Variants in HECW2 observed in about 807,000 individuals in gnomAD.
HECW2 encodes E3 ubiquitin-protein ligase HECW2.
Under a neutral mutation model 175.2 loss-of-function variants are expected in HECW2, and 61 were observed. The observed-to-expected ratio is 0.35, with a 90% confidence interval of 0.28 to 0.43. The LOEUF (loss-of-function observed/expected upper bound fraction) is 0.43, where lower values mean the gene tolerates loss of function less well. HECW2 is among the 20% of genes least tolerant of loss of function. The pLI, the probability that HECW2 is intolerant of heterozygous loss-of-function variation, is 1.00. For missense variants in HECW2, 1,524 were observed against 2,000.5 expected (o/e 0.76, Z 4.54); for synonymous variants, 671 against 731.0 (o/e 0.92, Z 1.32).
At chr2:196,209,263 C>A (rs72921173) in intron 28 of HECW2, among the ~76,000 whole-genome samples, 7,639 of 152,220 alleles carry the variant, frequency 0.05, 221 homozygotes, top group Admixed American at 0.067. Context: ...TTATCTCATT[C>A]CATTAAAGTC....
chr2:196,497,767 C>G (rs150490099), intron 1 of HECW2, among the ~76,000 whole-genome samples: 1 of 152,270 alleles, frequency 6.6e-6, no homozygotes, highest in Non-Finnish European at 1.5e-5. Flanking sequence ...AAAACCTAGC[C>G]ATAGAGAAGT....
At chr2:196,493,249 G>C (rs1178134356) in intron 1 of HECW2, 1 of 152,124 alleles carries the variant, frequency 6.6e-6, no homozygotes, top group East Asian at 1.9e-4. Context: ...ATCACCTGTA[G>C]TCCTAGCTAT....
chr2:196,520,871 AC>A (rs1688341799), intron 1 of HECW2, among the ~76,000 whole-genome samples: 1 of 152,220 alleles, frequency 6.6e-6, no homozygotes, highest in Non-Finnish European at 1.5e-5. Context: ...AGAATAACTC[AC>A]CACGTATAAG....
At chr2:196,416,755 A>G (rs550867297) in intron 2 of HECW2, among the ~76,000 whole-genome samples, 1 of 152,198 alleles carries the variant, frequency 6.6e-6, no homozygotes, top group African/African-American at 2.4e-5. Flanking sequence ...TTAGTTTTTG[A>G]TGACAAGGGC....
At chr2:196,304,466 T>C (rs2124384) in intron 13 of HECW2, among the ~76,000 whole-genome samples, 32,024 of 152,180 alleles carry the variant, frequency 0.21, 3,660 homozygotes, top group Middle Eastern at 0.28. Flanking sequence ...ACCTGCATTA[T>C]CTTTTTTATT....
chr2:196,537,997 G>A (rs746140238), intron 1 of HECW2, among the ~76,000 whole-genome samples: 20 of 152,156 alleles, frequency 1.3e-4, no homozygotes, highest in East Asian at 3.9e-4. Flanking sequence ...CTGTGGACTC[G>A]CCCTGAATTC....
chr2:196,217,102 C>T lies in HECW2; in HGVS notation c.4409-9G>A, dbSNP rs1170719943. 3.1e-6 allele frequency: 5 copies of T among 1,595,416 alleles called. No individual in the cohort carries two copies. The South Asian group carries it at 5.6e-5, about 18-fold the overall frequency. Reference sequence around the variant, plus strand: ...ATGATTGTCATGGTATCCTATCAAACCAATCATAAAAGCCCATGTTACTTT... The same window carrying T: ...ATGATTGTCATGGTATCCTATCAAATCAATCATAAAAGCCCATGTTACTTT... On this transcript the variant is annotated splice_polypyrimidine_tract_variant and intron_variant, in intron 26 of 28. Coordinates refer to ENST00000644978, the MANE Select transcript of HECW2 (RefSeq NM_001348768.2).
chr2:196,260,054 C>T (rs1181173185), intron 17 of HECW2: 1 of 152,168 alleles, frequency 6.6e-6, no homozygotes, highest in Admixed American at 6.6e-5. Context: ...AGATATCAGG[C>T]CCTGGTCTGC....
At chr2:196,234,279 G>GT (rs369225517) in intron 21 of HECW2, among the ~76,000 whole-genome samples, 2,974 of 142,072 alleles carry the variant, frequency 0.021, 15 homozygotes, top group Middle Eastern at 0.044. Flanking sequence ...GTCTAATCCA[G>GT]TTTTTTTTTT....
At chr2:196,310,205 C>T (rs1429359966) in intron 10 of HECW2, among the ~76,000 whole-genome samples, 2 of 152,170 alleles carry the variant, frequency 1.3e-5, no homozygotes, top group Non-Finnish European at 2.9e-5. Context: ...AAAGACCTTT[C>T]AATGTGCAAT....
intron 1 of HECW2, among the ~76,000 whole-genome samples, chr2:196,575,283 G>A (rs1358755656): frequency 1.3e-5 from 2 of 152,042 alleles, no homozygotes; most frequent in African/African-American, 4.8e-5. Flanking sequence ...CAAGAATTTG[G>A]AGAAAATGGA....
chr2:196,325,127 C>G lies in HECW2; in HGVS notation c.594G>C (p.Lys198Asn). The G allele has an allele frequency of 1.2e-6, 2 of 1,602,546 alleles. No individual in the cohort carries two copies. The highest frequency in any genetic ancestry group is 1.7e-6 in the Non-Finnish European group (2 of 1,175,640). ...TLSDLRAVGL[K>N]KGMFFNPDPY... is the part of the protein sequence containing the mutation. ...GGTCAGGATTGAAGAACATCCCTTT[C>G]TTTAGCCCAACTGCCCTAAGATCTT... The change falls in exon 6 of 29, where the codon AAG (lysine) becomes AAC (asparagine). Residue 198 changes from lysine (K) to asparagine (N), a missense_variant. Lys to Asn is a moderately conservative substitution (Grantham distance 94, BLOSUM62 0). This residue lies in a region of HECW2 where 54 missense variants were observed against 46.8 expected (regional missense o/e 1.15). Transcript: ENST00000644978.
At chr2:196,263,281 C>T (rs535806945) in intron 17 of HECW2, 1 of 152,264 alleles carries the variant, frequency 6.6e-6, no homozygotes, top group South Asian at 2.1e-4. Flanking sequence ...ACGGAATCAC[C>T]CCAGAAGATC....
intron 1 of HECW2, among the ~76,000 whole-genome samples, chr2:196,502,652 A>ATT (rs1215180882): frequency 6.6e-6 from 1 of 152,136 alleles, no homozygotes; most frequent in African/African-American, 2.4e-5. Context: ...CTCAGATCCC[A>ATT]TGACTGTTCC....
At chr2:196,207,349 T>C (rs928090709) in intron 28 of HECW2, among the ~76,000 whole-genome samples, 1 of 152,218 alleles carries the variant, frequency 6.6e-6, no homozygotes, top group African/African-American at 2.4e-5. Context: ...CAGTTATAGT[T>C]TTGTTAGCCT....
chr2:196,512,604 G>A (rs578039951), intron 1 of HECW2, among the ~76,000 whole-genome samples: 1 of 152,102 alleles, frequency 6.6e-6, no homozygotes, highest in East Asian at 1.9e-4. Flanking sequence ...TGCTCTAGCT[G>A]GTCTTGAACT....
At position 196,215,940 on chromosome 2, in the gene HECW2, A is replaced by C; in HGVS notation, c.4532T>G (p.Phe1511Cys). Residue 1511 changes from phenylalanine to cysteine, a missense_variant, in exon 28 of 29, where the codon TTT becomes TGT. Around this residue, in one of 11 missense-constraint regions of HECW2, gnomAD observed 134 missense variants for 287.8 expected, o/e 0.47. Transcript: ENST00000644978. ...GCCGTTACTCCCTCGGAGTGAAGCA[A>C]ATCCTTCATAGGGAATGCTGGATGT... ...TGTSSIPYEG[F>C]ASLRGSNGPR... 1 of 1,613,962 alleles carries C rather than the reference A, an allele frequency of 6.2e-7. No individual in the cohort carries two copies.
chr2:196,433,742 T>C (rs764357202), intron 1 of HECW2, among the ~76,000 whole-genome samples: 2 of 152,192 alleles, frequency 1.3e-5, no homozygotes, highest in Non-Finnish European at 2.9e-5. Context: ...TTCCTTGCCA[T>C]CCCTTTTAGG....
chr2:196,394,800 G>C (rs1411938187), intron 2 of HECW2, among the ~76,000 whole-genome samples: 4 of 152,202 alleles, frequency 2.6e-5, no homozygotes, highest in African/African-American at 4.8e-5. Flanking sequence ...TTCCAGATGT[G>C]AAAGAATGAA....
Sources: allele counts gnomAD v4.1 joint callset (sites outside exome capture counted in the v4.1 genomes callset), GRCh38; gene constraint gnomAD v4.1.1; regional missense constraint gnomAD v4.1.1; transcripts MANE v1.5; gene names NCBI Gene and HGNC (gene_info 2026-07-23, HGNC 2026-07-21).